IGSF21: variants seen among roughly 807,000 people sequenced by gnomAD.
The protein encoded by IGSF21 is immunoglobin superfamily member 21.
In IGSF21, 28 loss-of-function variants were observed where a neutral mutation model predicts 46.8. The ratio of observed to expected loss-of-function variants is 0.60; its 90% confidence interval spans 0.44 to 0.82. The LOEUF is 0.82. Ranked by LOEUF, IGSF21 falls within the 40% of genes least tolerant of loss-of-function variation. The pLI, the probability that IGSF21 is intolerant of heterozygous loss-of-function variation, is 0.00. For missense variants in IGSF21, 624 were observed against 665.5 expected (o/e 0.94, Z 0.69); for synonymous variants, 284 against 273.6 (o/e 1.04, Z -0.38).
chr1:18,321,674 G>C (rs1369852120), intron 3 of IGSF21, among the ~76,000 whole-genome samples: 5 of 152,148 alleles, frequency 3.3e-5, no homozygotes, highest in Non-Finnish European at 5.9e-5. Flanking sequence ...AGCTCTCTGG[G>C]GCCTCTTTTG....
At chr1:18,108,324 C>T in intron 1 of IGSF21, 126 bp downstream of exon 1, 1 of 1,035,610 alleles carries the variant, frequency 9.7e-7, no homozygotes, top group Non-Finnish European at 1.2e-6. Flanking sequence ...TGCCCGGGGT[C>T]TGTGGAGCTG....
At chr1:18,296,677 C>A (rs766428963) in intron 3 of IGSF21, among the ~76,000 whole-genome samples, 2 of 152,128 alleles carry the variant, frequency 1.3e-5, no homozygotes, top group African/African-American at 2.4e-5. Flanking sequence ...TACCAAGGTG[C>A]CAAATTTGAG....
At chr1:18,233,029 A>G (rs2124511146) in intron 2 of IGSF21, among the ~76,000 whole-genome samples, 1 of 152,344 alleles carries the variant, frequency 6.6e-6, no homozygotes, top group South Asian at 2.1e-4. Context: ...AGGTCTGTTT[A>G]TATCATGGAA....
chr1:18,143,850 G>T (rs955868069), intron 1 of IGSF21, among the ~76,000 whole-genome samples: 1 of 152,084 alleles, frequency 6.6e-6, no homozygotes, highest in African/African-American at 2.4e-5. Flanking sequence ...GGGGGTGAGT[G>T]GTGCCCATCA....
chr1:18,358,584 C>T (rs908692309), intron 4 of IGSF21, among the ~76,000 whole-genome samples: 1 of 152,194 alleles, frequency 6.6e-6, no homozygotes, highest in Non-Finnish European at 1.5e-5. Flanking sequence ...TCCAAAGGTA[C>T]GACCATGTTT....
chr1:18,318,892 T>C (rs1016820935), intron 3 of IGSF21, among the ~76,000 whole-genome samples: 2 of 152,224 alleles, frequency 1.3e-5, no homozygotes, highest in East Asian at 1.9e-4. Context: ...GTGGCTTTTA[T>C]ACCGGTTATT....
At chr1:18,112,123 C>A (rs72655111) in intron 1 of IGSF21, 23,617 of 152,154 alleles carry the variant, frequency 0.16, 2,073 homozygotes, top group East Asian at 0.22. Flanking sequence ...AAAATAGAGG[C>A]TGTTTAGTTC....
chr1:18,215,359 T>TA (rs1474076102), intron 1 of IGSF21, among the ~76,000 whole-genome samples: 4 of 152,184 alleles, frequency 2.6e-5, no homozygotes, highest in African/African-American at 9.7e-5. Context: ...TTTGGCCCGT[T>TA]AGAGGCTCCC....
intron 3 of IGSF21, among the ~76,000 whole-genome samples, chr1:18,313,799 C>T (rs223207): frequency 0.12 from 18,437 of 152,192 alleles, 1,178 homozygotes; most frequent in African/African-American, 0.15. Flanking sequence ...GTATTTAGAA[C>T]TGGCCTGCAC....
chr1:18,302,398 T>C (rs2085371268), intron 3 of IGSF21, among the ~76,000 whole-genome samples: 1 of 152,262 alleles, frequency 6.6e-6, no homozygotes, highest in East Asian at 1.9e-4. Flanking sequence ...TCCTACCTCA[T>C]GCATAGGAGC....
rs190714755 is a variant in IGSF21, at chr1:18,195,200, G to A, written c.71-32698G>A. Among the ~76,000 whole-genome samples the A allele has an allele frequency of 5.5e-3, 838 of 152,268 alleles. 5 individuals are homozygous for A. The highest frequency in any genetic ancestry group is 0.01 in the Non-Finnish European group (691 of 68,030). On this transcript the variant is annotated intron_variant, in intron 1 of 9. Coordinates refer to ENST00000251296, the MANE Select transcript of IGSF21 (RefSeq NM_032880.5). ...CAGAAAGTAAAGAAACTTACTTAAG[G>A]CCACAGAGCTAGAAAGTAGCAAAGC...
intron 1 of IGSF21, among the ~76,000 whole-genome samples, chr1:18,137,044 A>G (rs1229082470): frequency 6.6e-6 from 1 of 152,106 alleles, no homozygotes; most frequent in Non-Finnish European, 1.5e-5. Flanking sequence ...TTTATAAGAA[A>G]AGAGGTTTAA....
At chr1:18,305,604 A>ATGGATGGATGGATGGATGGATGATGGATG (rs1553162276) in intron 3 of IGSF21, among the ~76,000 whole-genome samples, 1 of 144,158 alleles carries the variant, frequency 6.9e-6, no homozygotes, top group Non-Finnish European at 1.5e-5. Context: ...GATGATGGAT[A>ATGGATGGATGGATGGATGGATGATGGATG]GATGGATGGA....
At chr1:18,223,616 G>A (rs985921026) in intron 1 of IGSF21, among the ~76,000 whole-genome samples, 1 of 152,106 alleles carries the variant, frequency 6.6e-6, no homozygotes, top group African/African-American at 2.4e-5. Context: ...AGAATGCATC[G>A]CTTATTGTAT....
At chr1:18,117,211 C>T (rs1301642271) in intron 1 of IGSF21, among the ~76,000 whole-genome samples, 1 of 152,214 alleles carries the variant, frequency 6.6e-6, no homozygotes, top group Non-Finnish European at 1.5e-5. Flanking sequence ...GAAAGAAATG[C>T]CATCGTTTGG....
chr1:18,303,762 T>C (rs1322847909), intron 3 of IGSF21, among the ~76,000 whole-genome samples: 2 of 152,120 alleles, frequency 1.3e-5, no homozygotes, highest in Non-Finnish European at 2.9e-5. Flanking sequence ...CCCAGGGCTA[T>C]GCTAGCAACA....
intron 2 of IGSF21, among the ~76,000 whole-genome samples, chr1:18,291,376 C>T (rs904351185): frequency 6.6e-6 from 1 of 152,238 alleles, no homozygotes; most frequent in African/African-American, 2.4e-5. Flanking sequence ...CCCGGGCTCC[C>T]TGCCTCTAGT....
intron 1 of IGSF21, among the ~76,000 whole-genome samples, chr1:18,159,856 A>G (rs1383411514): frequency 6.6e-6 from 1 of 151,638 alleles, no homozygotes; most frequent in Non-Finnish European, 1.5e-5. Flanking sequence ...TAATTTTTTG[A>G]ATTTTTGGTA....
chr1:18,159,713 C>T (rs376819211), intron 1 of IGSF21, among the ~76,000 whole-genome samples: 169 of 142,350 alleles, frequency 1.2e-3, no homozygotes, highest in African/African-American at 4.0e-3. Context: ...GAGAGAGTCT[C>T]GCTCTGTCAC....
Sources: gnomAD v4.1 joint callset for allele counts (sites outside exome capture counted in the v4.1 genomes callset) on GRCh38, gnomAD v4.1.1 for gene constraint, MANE v1.5 for transcripts, NCBI Gene and HGNC (gene_info 2026-07-23, HGNC 2026-07-21) for gene names.